RORA: variants seen among roughly 807,000 people sequenced by gnomAD.
RORA encodes the protein RAR related orphan receptor A.
Under a neutral mutation model 69.5 loss-of-function variants are expected in RORA, and 7 were observed. The ratio of observed to expected loss-of-function variants is 0.10; its 90% CI spans 0.06 to 0.19. The LOEUF is 0.19. Among genes scored for constraint, RORA ranks in the 10% least tolerant of loss-of-function variants. RORA has a pLI of 1.00. For missense variants in RORA, 457 were observed against 663.0 expected (o/e 0.69, Z 3.41); for synonymous variants, 261 against 240.8 (o/e 1.08, Z -0.78).
chr15:60,956,638 T>A, intron 1 of RORA, among the ~76,000 whole-genome samples: 1 of 152,380 alleles, frequency 6.6e-6, no homozygotes, highest in Non-Finnish European at 1.5e-5. Flanking sequence ...CAAGTAACGA[T>A]AATAGCTGCT....
intron 1 of RORA, among the ~76,000 whole-genome samples, chr15:60,697,855 G>A (rs114208507): frequency 7.9e-5 from 12 of 152,182 alleles, no homozygotes; most frequent in African/African-American, 2.6e-4. Flanking sequence ...TCTCATTCAC[G>A]GCTCCTCTGG....
chr15:60,860,601 T>A (rs538646162), intron 1 of RORA, among the ~76,000 whole-genome samples: 1 of 152,276 alleles, frequency 6.6e-6, no homozygotes, highest in African/African-American at 2.4e-5. Context: ...CAATGAGATA[T>A]AGAGATATTG....
chr15:60,744,218 A>G (rs898130024), intron 1 of RORA, among the ~76,000 whole-genome samples: 1 of 152,194 alleles, frequency 6.6e-6, no homozygotes, highest in African/African-American at 2.4e-5. Flanking sequence ...CTCTTCCTTT[A>G]GCATTTTCTG....
At position 60,493,416 on chromosome 15, in the gene RORA, A is replaced by G. The variant is rs1004157779; in HGVS notation, c.*4039T>C. ...TACATATTGCACTAGAGAGGAATGAAGAACATGTGCAAAAAAGCAACAATG... is the reference window on the plus strand; with the variant it reads ...TACATATTGCACTAGAGAGGAATGAGGAACATGTGCAAAAAAGCAACAATG... On this transcript the variant is annotated 3_prime_UTR_variant, in exon 11 of 11. Transcript: ENST00000335670. 1 of 152,234 alleles carries G rather than the reference A, an allele frequency of 6.6e-6. No individual in the cohort carries two copies. 9.4% of individuals were successfully genotyped at this position (152,234 alleles called of 1,614,324 possible). A position where few individuals can be genotyped will look rare whatever the true frequency, so the allele number is the denominator to read the frequency against.
At chr15:61,205,136 A>G (rs1393777004) in intron 1 of RORA, among the ~76,000 whole-genome samples, 2 of 152,178 alleles carry the variant, frequency 1.3e-5, no homozygotes, top group Non-Finnish European at 2.9e-5. Flanking sequence ...TGAGCCAGAG[A>G]AGAGTCCATG....
chr15:60,802,683 T>A (rs575885585), intron 1 of RORA, among the ~76,000 whole-genome samples: 1 of 152,360 alleles, frequency 6.6e-6, no homozygotes, highest in East Asian at 1.9e-4. Flanking sequence ...TACTCCTCTT[T>A]ACTTTTGAAA....
chr15:61,019,193 G>C (rs141354737), intron 1 of RORA, among the ~76,000 whole-genome samples: 6 of 152,164 alleles, frequency 3.9e-5, no homozygotes, highest in Non-Finnish European at 7.3e-5. Flanking sequence ...ATTACACAGC[G>C]CTCCACGCAG....
intron 2 of RORA, among the ~76,000 whole-genome samples, chr15:60,558,839 T>A (rs1277706312): frequency 1.4e-5 from 2 of 144,824 alleles, no homozygotes; most frequent in Non-Finnish European, 3.0e-5. Flanking sequence ...TTTATATTTT[T>A]GGCTTTGACT....
chr15:60,553,575 G>C (rs2067280074), intron 2 of RORA, among the ~76,000 whole-genome samples: 1 of 152,170 alleles, frequency 6.6e-6, no homozygotes, highest in Non-Finnish European at 1.5e-5. Context: ...CCCAAATTAT[G>C]ACACTTTGGC....
chr15:61,141,690 G>A (rs984474428), intron 1 of RORA, among the ~76,000 whole-genome samples: 5 of 152,204 alleles, frequency 3.3e-5, no homozygotes, highest in Admixed American at 1.3e-4. Flanking sequence ...CAGCCAGAAT[G>A]AGAAATGGGG....
chr15:60,917,530 C>G (rs911592002), intron 1 of RORA, among the ~76,000 whole-genome samples: 2 of 152,154 alleles, frequency 1.3e-5, no homozygotes, highest in African/African-American at 2.4e-5. Flanking sequence ...TGCTGTCCCA[C>G]TTTTTCCCTC....
intron 1 of RORA, among the ~76,000 whole-genome samples, chr15:60,913,817 T>C (rs1006949209): frequency 5.9e-5 from 9 of 152,214 alleles, no homozygotes; most frequent in Non-Finnish European, 8.8e-5. Context: ...ACAAAAAATA[T>C]TTATGCCCTT....
chr15:60,804,011 C>T (rs1266095178), intron 1 of RORA, among the ~76,000 whole-genome samples: 1 of 152,080 alleles, frequency 6.6e-6, no homozygotes, highest in Non-Finnish European at 1.5e-5. Flanking sequence ...CTACCAGGGC[C>T]AGGTGCAGTG....
At chr15:60,950,230 G>A (rs1353612415) in intron 1 of RORA, among the ~76,000 whole-genome samples, 2 of 150,090 alleles carry the variant, frequency 1.3e-5, no homozygotes, top group South Asian at 2.2e-4. Flanking sequence ...TTACAGACAA[G>A]CAAATGCTGA....
At chr15:60,975,065 G>A (rs778261855) in intron 1 of RORA, among the ~76,000 whole-genome samples, 1 of 152,186 alleles carries the variant, frequency 6.6e-6, no homozygotes, top group African/African-American at 2.4e-5. Context: ...GGGGAGCTGA[G>A]AGGCTACTGG....
intron 1 of RORA, among the ~76,000 whole-genome samples, chr15:60,762,251 A>C (rs903596764): frequency 6.6e-6 from 1 of 152,216 alleles, no homozygotes. Context: ...ATTAAACTAA[A>C]ACGAGGGGAT....
intron 1 of RORA, among the ~76,000 whole-genome samples, chr15:60,918,645 T>G (rs1013499002): frequency 6.6e-6 from 1 of 152,216 alleles, no homozygotes; most frequent in African/African-American, 2.4e-5. Flanking sequence ...CATTCCCAAT[T>G]GACAGAAAAG....
At chr15:60,577,644 CAAA>C (rs34467661) in intron 2 of RORA, among the ~76,000 whole-genome samples, 12 of 104,752 alleles carry the variant, frequency 1.1e-4, no homozygotes, top group Non-Finnish European at 1.4e-4. Flanking sequence ...ACTCTGTTTC[CAAA>C]AAAAAAAAAA....
chr15:60,498,685 C>CTT (rs1356887813), intron 10 of RORA, among the ~76,000 whole-genome samples: 1 of 152,164 alleles, frequency 6.6e-6, no homozygotes, highest in Non-Finnish European at 1.5e-5. Context: ...AATCAGAGAT[C>CTT]CTAATGGTAC....
Sources: allele counts gnomAD v4.1 joint callset (sites outside exome capture counted in the v4.1 genomes callset), GRCh38; gene constraint gnomAD v4.1.1; transcripts MANE v1.5; gene names NCBI Gene and HGNC (gene_info 2026-07-23, HGNC 2026-07-21).